The following CEP85 variants were observed in gnomAD, a reference collection of about 807,000 sequenced individuals.
CEP85 encodes centrosomal protein 85.
CEP85 carries 58 observed loss-of-function variants against 93.7 expected under a neutral mutation model. The ratio of observed to expected loss-of-function variants is 0.62; its 90% confidence interval spans 0.50 to 0.77. The LOEUF is 0.77. Among genes scored for constraint, CEP85 ranks in the 30% least tolerant of loss-of-function variants. The probability of loss-of-function intolerance (pLI) is 0.00; values close to 1 mark genes in which losing one functional copy is unlikely to be tolerated. For synonymous variants in CEP85, 314 were observed against 338.6 expected (o/e 0.93, Z 0.80); for missense variants, 868 against 922.0 (o/e 0.94, Z 0.76).
rs573449499 is a variant in CEP85, at chr1:26,248,722, C to CTTTTTTTTTTTTTTTT, written c.208+4411_208+4426dup. Among the ~76,000 whole-genome samples, 30 of 56,208 alleles carry CTTTTTTTTTTTTTTTT rather than the reference C, an allele frequency of 5.3e-4. 8 individuals carry two copies. Among genetic ancestry groups the CTTTTTTTTTTTTTTTT allele is most frequent in the African/African-American group, 2.3e-3 (29 of 12,376 alleles). The allele number at this position is 56,208 out of a possible 152,430, so 36.9% of individuals were successfully genotyped here. A position where few individuals can be genotyped will look rare whatever the true frequency, so the allele number is the denominator to read the frequency against. On this transcript the variant is annotated intron_variant, in intron 3 of 13. Transcript: ENST00000451429. The stretch of plus-strand genomic sequence containing the variant: ...TGTTGGCCAGTCTGGGTCTTGAACT[C>CTTTTTTTTTTTTTTTT]TTTTTTTTTTTTTTTTTTTTTTGAG...
At chr1:26,272,356 C>T (rs897689026) in intron 11 of CEP85, 2 of 413,832 alleles carry the variant, frequency 4.8e-6, no homozygotes. Context: ...CCTGAACCTA[C>T]AAGGATGAGG....
At chr1:26,238,422 C>A (rs2089365731) in intron 1 of CEP85, among the ~76,000 whole-genome samples, 1 of 151,964 alleles carries the variant, frequency 6.6e-6, no homozygotes, top group African/African-American at 2.4e-5. Context: ...TCTCGAACTC[C>A]TGACCTCAGG....
At chr1:26,273,010 A>G (rs2090001377) in intron 11 of CEP85, among the ~76,000 whole-genome samples, 1 of 152,100 alleles carries the variant, frequency 6.6e-6, no homozygotes, top group Admixed American at 6.6e-5. Context: ...CCTGGAGAGA[A>G]GAAAGGTCCA....
At chr1:26,241,910 C>T (rs2089433640) in intron 2 of CEP85, among the ~76,000 whole-genome samples, 1 of 151,914 alleles carries the variant, frequency 6.6e-6, no homozygotes, top group South Asian at 2.1e-4. Context: ...TACAGGCATG[C>T]ACCACCACAC....
At chr1:26,271,133 CGGA>C (rs2089968752) in intron 10 of CEP85, 26 bp downstream of exon 10, 2 of 1,396,688 alleles carry the variant, frequency 1.4e-6, no homozygotes, top group Admixed American at 3.4e-5. Context: ...CAGGCTGTAA[CGGA>C]GGGTAGGCTG....
At chr1:26,239,729 A>G in intron 1 of CEP85, 33 bp from the exon 2 acceptor site, 1 of 1,279,914 alleles carries the variant, frequency 7.8e-7, no homozygotes, top group Non-Finnish European at 1.1e-6. Context: ...AAGATACTTC[A>G]GAGAACTGAC....
At position 26,268,507 on chromosome 1, in the gene CEP85, A is replaced by G. The variant is rs750882317; in HGVS notation, c.1366A>G (p.Asn456Asp). 8 of 1,614,048 alleles carry G rather than the reference A, an allele frequency of 5.0e-6. No individual in the cohort carries two copies. In the Admixed American group the frequency reaches 6.7e-5, roughly 13 times the overall value. The change falls in exon 8 of 14, where the codon AAT becomes GAT. Residue 456 changes from asparagine to aspartate, a missense_variant. Asn to Asp is a conservative substitution (Grantham distance 23). Transcript: ENST00000451429. ...ERVKGRDKHI[N>D]NLKKKCQKES... Reference sequence around the variant, plus strand: ...GGTCAAAGGTCGTGATAAACATATCAATAATTTGAAAAAGAAATGCCAGAA... The same window carrying G: ...GGTCAAAGGTCGTGATAAACATATCGATAATTTGAAAAAGAAATGCCAGAA...
At chr1:26,248,555 GCC>G (rs1221213518) in intron 3 of CEP85, among the ~76,000 whole-genome samples, 1 of 151,898 alleles carries the variant, frequency 6.6e-6, no homozygotes, top group African/African-American at 2.4e-5. Context: ...GAGTGCAGTG[GCC>G]CAATCTCGGC....
intron 11 of CEP85, among the ~76,000 whole-genome samples, chr1:26,274,422 T>A (rs571488500): frequency 6.6e-6 from 1 of 152,234 alleles, no homozygotes; most frequent in East Asian, 1.9e-4. Flanking sequence ...TATGTTTGAG[T>A]GGAGCGAAGG....
rs71581048 is a variant in CEP85 at position 26,250,925 on chromosome 1, C to CTTTTTTTTTTTTTTT, written c.209-4240_209-4239insTTTTTTTTTTTTTTT. Among the ~76,000 whole-genome samples, 21 of 55,134 alleles carry CTTTTTTTTTTTTTTT rather than the reference C, an allele frequency of 3.8e-4. 5 individuals carry two copies. The highest frequency in any genetic ancestry group is 1.8e-3 in the East Asian group (3 of 1,712). The allele number at this position is 55,134 out of a possible 152,430, so 36.2% of individuals were successfully genotyped here. On this transcript the variant is annotated intron_variant, in intron 3 of 13. Transcript: ENST00000451429. Reference sequence around the variant, plus strand: ...TGAGCCAAGCTTGCCTTTTTTTTTTCTTTTTTCTTTTTTTTTTTTTTTTTT... The same window carrying CTTTTTTTTTTTTTTT: ...TGAGCCAAGCTTGCCTTTTTTTTTTCTTTTTTTTTTTTTTTTTTTTTCTTTTTTTTTTTTTTTTTT...
chr1:26,235,353 A>C (rs893076298), intron 1 of CEP85, among the ~76,000 whole-genome samples: 6 of 152,146 alleles, frequency 3.9e-5, no homozygotes, highest in Non-Finnish European at 8.8e-5. Context: ...TGTATGTCTC[A>C]CGACTTTTCT....
At chr1:26,274,166 C>T (rs1385302852) in intron 11 of CEP85, among the ~76,000 whole-genome samples, 1 of 150,482 alleles carries the variant, frequency 6.6e-6, no homozygotes, top group South Asian at 2.1e-4. Context: ...TTCCCCTGAC[C>T]GCTCCTACAC....
chr1:26,250,924 T>TC (rs2089598315), intron 3 of CEP85, among the ~76,000 whole-genome samples: 1 of 19,644 alleles, frequency 5.1e-5, no homozygotes, highest in African/African-American at 1.7e-4. Context: ...CTTTTTTTTT[T>TC]CTTTTTTCTT....
intron 4 of CEP85, among the ~76,000 whole-genome samples, chr1:26,256,316 C>T (rs534794253): frequency 2.0e-5 from 3 of 151,978 alleles, no homozygotes; most frequent in Non-Finnish European, 2.9e-5. Context: ...GAGGCCGAGG[C>T]GGGCAGGAGT....
At chr1:26,261,226 A>G (rs1289481662) in intron 7 of CEP85, among the ~76,000 whole-genome samples, 1 of 151,364 alleles carries the variant, frequency 6.6e-6, no homozygotes, top group Non-Finnish European at 1.5e-5. Context: ...TAATCCCTGC[A>G]CTTTGGGAGG....
rs146277153 is a variant in CEP85 at position 26,257,604 on chromosome 1, A to G, written c.911A>G (p.Asn304Ser). The change falls in exon 5 of 14, where the codon AAT (asparagine) becomes AGT (serine). Residue 304 changes from asparagine to serine, a missense_variant. Coordinates refer to ENST00000451429, the MANE Select transcript of CEP85 (RefSeq NM_001319944.2). ...GGCCTACTTGCCTTTCAGCTTCAGAATGGAGCCATCTGCCACCATCCTGCT... is the reference window on the plus strand; with the variant it reads ...GGCCTACTTGCCTTTCAGCTTCAGAGTGGAGCCATCTGCCACCATCCTGCT... ...RLQMEQMQLQ[N>S]GAICHHPAAF... 2.0e-5 allele frequency: 32 copies of G among 1,614,050 alleles called. No individual in the cohort carries two copies. Among genetic ancestry groups the G allele is most frequent in the Non-Finnish European group, 2.6e-5 (31 of 1,180,004 alleles).
At chr1:26,265,747 T>C (rs914715290) in intron 7 of CEP85, among the ~76,000 whole-genome samples, 1 of 152,206 alleles carries the variant, frequency 6.6e-6, no homozygotes, top group African/African-American at 2.4e-5. Context: ...CCCCAAGTCA[T>C]TTATCTCCCC....
intron 6 of CEP85, among the ~76,000 whole-genome samples, 160 bp downstream of exon 6, chr1:26,258,420 G>A (rs2089754376): frequency 6.6e-6 from 1 of 152,156 alleles, no homozygotes; most frequent in African/African-American, 2.4e-5. Context: ...CCTTTATCAT[G>A]CCCTTGTGGG....
At chr1:26,247,744 C>A (rs906393781) in intron 3 of CEP85, among the ~76,000 whole-genome samples, 1 of 152,174 alleles carries the variant, frequency 6.6e-6, no homozygotes, top group African/African-American at 2.4e-5. Context: ...TGGGCTCAAC[C>A]TATCTTTCCA....
Sources: gnomAD v4.1 joint callset for allele counts (sites outside exome capture counted in the v4.1 genomes callset) on GRCh38, gnomAD v4.1.1 for gene constraint, MANE v1.5 for transcripts, NCBI Gene and HGNC (gene_info 2026-07-23, HGNC 2026-07-21) for gene names.